SCART1: variants seen among roughly 807,000 people sequenced by gnomAD.
SCART1 encodes the protein scavenger receptor cysteine-rich domain-containing protein SCART1.
In SCART1, 62 loss-of-function variants were observed where a neutral mutation model predicts 36.2. The ratio of observed to expected loss-of-function variants is 1.71; its 90% CI spans 1.40 to 2.12. SCART1 has a LOEUF of 2.12. SCART1 is among the 30% of genes most tolerant of loss of function. The pLI is 0.00. For missense variants in SCART1, 1,041 were observed against 540.5 expected, an observed-to-expected ratio of 1.93 and a Z score of -9.18; for synonymous variants, 487 against 238.7, an observed-to-expected ratio of 2.04 and a Z score of -9.59.
At chr10:133,464,288 C>T (rs1032858126) in intron 6 of SCART1, 3 of 334,216 alleles carry the variant, frequency 9.0e-6, no homozygotes, top group African/African-American at 6.4e-5. Context: ...TGCAGTGAAC[C>T]TGGGTGCTGC....
chr10:133,467,457 A>G, intron 11 of SCART1, 104 bp downstream of exon 11: 1 of 615,572 alleles, frequency 1.6e-6, no homozygotes, highest in South Asian at 1.9e-5. Context: ...CTGGCTTCAG[A>G]AGGCTGCTGA....
intron 1 of SCART1, among the ~76,000 whole-genome samples, chr10:133,455,895 A>T (rs1850603412): frequency 6.6e-6 from 1 of 152,004 alleles, no homozygotes. Flanking sequence ...CAGGGCCTCC[A>T]GTGGAAGTAG....
chr10:133,460,110 T>C (rs1850679322), exon 6 of SCART1: 1 of 515,140 alleles, frequency 1.9e-6, no homozygotes, highest in South Asian at 2.9e-5. Context: ...GCAGTGCCCG[T>C]CGGCGGGCTG....
At chr10:133,464,770 G>C (rs1850743354) in exon 7 of SCART1, 1 of 702,240 alleles carries the variant, frequency 1.4e-6, no homozygotes, top group South Asian at 1.5e-5. Context: ...AGTGGGGCTG[G>C]CTGGAGAACA....
At chr10:133,463,592 T>C (rs576172374) in intron 6 of SCART1, among the ~76,000 whole-genome samples, 1 of 151,708 alleles carries the variant, frequency 6.6e-6, no homozygotes, top group African/African-American at 2.4e-5. Flanking sequence ...TAACATAATG[T>C]CCTCCAGGTT....
intron 1 of SCART1, among the ~76,000 whole-genome samples, chr10:133,455,261 T>C (rs951450289): frequency 8.5e-5 from 13 of 152,074 alleles, no homozygotes; most frequent in African/African-American, 3.1e-4. Context: ...AGCGAGACTT[T>C]TGTCTAAAAA....
intron 2 of SCART1, 58 bp downstream of exon 2, chr10:133,456,612 G>GGAGGAGGACTGGGAGGACGCA (rs576612594): frequency 1.5e-5 from 9 of 616,482 alleles, no homozygotes; most frequent in African/African-American, 1.1e-4. Context: ...GGGAGGACGA[G>GGAGGAGGACTGGGAGGACGCA]GAGGAGGACT....
chr10:133,459,006 C>T lies in SCART1; in HGVS notation c.980-15C>T. On this transcript the variant is annotated splice_polypyrimidine_tract_variant and intron_variant, in intron 4 of 11. Coordinates refer to ENST00000640237, the Ensembl canonical transcript of SCART1. The stretch of plus-strand genomic sequence containing the variant: ...CGGCCGTCTGCAAGCCAGGCTGACT[C>T]CTCCTCTCCCCCAGAGTTCAGGATG... The T allele has an allele frequency of 4.5e-6, 3 of 663,676 alleles. No homozygotes were observed. The highest frequency in any genetic ancestry group is 2.2e-5 in the Admixed American group (1 of 44,884). 41.1% of individuals were successfully genotyped at this position (663,676 alleles called of 1,614,324 possible).
At chr10:133,467,961 C>T (rs779311389) in exon 12 of SCART1, 23 of 690,976 alleles carry the variant, frequency 3.3e-5, no homozygotes, top group Non-Finnish European at 5.0e-5. Context: ...GAGGAGATGA[C>T]GTTGTAAAGC....
intron 7 of SCART1, 51 bp downstream of exon 7, chr10:133,464,962 G>C (rs1187925557): frequency 1.4e-6 from 1 of 702,788 alleles, no homozygotes; most frequent in East Asian, 2.7e-5. Flanking sequence ...GGGTGCCTGG[G>C]AAGAGGTTTA....
chr10:133,459,569 C>A, exon 6 of SCART1: 3 of 679,564 alleles, frequency 4.4e-6, no homozygotes, highest in South Asian at 1.6e-5. Flanking sequence ...GCGTGTGGGG[C>A]CGCGTCCTGG....
exon 2 of SCART1, chr10:133,456,322 C>T (rs774329872): frequency 2.0e-5 from 14 of 702,852 alleles, no homozygotes; most frequent in Admixed American, 4.0e-5. Context: ...CATGGGGATA[C>T]GTGTGCAACC....
exon 11 of SCART1, chr10:133,467,349 C>T (rs779175695): frequency 1.4e-5 from 10 of 700,332 alleles, no homozygotes; most frequent in Middle Eastern, 2.4e-4. Flanking sequence ...ACACAGAAGC[C>T]GCAGGTGGGT....
intron 6 of SCART1, chr10:133,464,318 T>C (rs1018672806): frequency 1.6e-5 from 6 of 382,412 alleles, no homozygotes; most frequent in Admixed American, 1.3e-4. Context: ...GGGCGTGCAG[T>C]GAACCTGGGC....
intron 6 of SCART1, among the ~76,000 whole-genome samples, chr10:133,463,828 C>T (rs1403499665): frequency 6.6e-6 from 1 of 152,112 alleles, no homozygotes; most frequent in African/African-American, 2.4e-5. Context: ...GTGTTGGGAA[C>T]ATTCAATATC....
Position 133,457,319 on chromosome 10 carries a change from TC to T in SCART1, c.429del (p.Cys144AlafsTer10), listed in dbSNP as rs1314948916. The T allele has an allele frequency of 7.2e-6, 5 of 696,328 alleles. No individual in the cohort carries two copies. Among genetic ancestry groups the T allele is most frequent in the Non-Finnish European group, 1.3e-5 (5 of 384,682 alleles). The allele number at this position is 696,328 out of a possible 1,614,324, so 43.1% of individuals were successfully genotyped here. ...AGCTCCGGCTGGTGAAGGGCCGCAG[TC>T]CCTGCGCGGGACTCCCCGAGATCAG... On this transcript the variant is annotated frameshift_variant, in exon 3 of 12. Coordinates refer to ENST00000640237, the Ensembl canonical transcript of SCART1. LOFTEE classifies it high-confidence loss of function.
chr10:133,461,821 C>T (rs897842002), intron 6 of SCART1, among the ~76,000 whole-genome samples: 4 of 152,286 alleles, frequency 2.6e-5, no homozygotes, highest in South Asian at 2.1e-4. Flanking sequence ...TGGAAAGCGG[C>T]GGATGTTAGC....
chr10:133,464,024 G>A (rs1850733913), intron 6 of SCART1, among the ~76,000 whole-genome samples: 1 of 151,978 alleles, frequency 6.6e-6, no homozygotes, highest in African/African-American at 2.4e-5. Context: ...TTCACTTCTA[G>A]GAGATCAACA....
downstream of SCART1, among the ~76,000 whole-genome samples, chr10:133,469,603 G>A (rs1850796283): frequency 6.6e-6 from 1 of 152,026 alleles, no homozygotes; most frequent in Non-Finnish European, 1.5e-5. Context: ...GGGGGTGGGG[G>A]GCTAGGGAAG....
Sources: allele counts gnomAD v4.1 joint callset (sites outside exome capture counted in the v4.1 genomes callset), GRCh38; gene constraint gnomAD v4.1.1; transcripts MANE v1.5; gene names NCBI Gene and HGNC (gene_info 2026-07-23, HGNC 2026-07-21).